INTS7: variants seen among roughly 807,000 people sequenced by gnomAD.
INTS7 encodes the protein integrator complex subunit 7.
A neutral mutation model predicts 109.2 loss-of-function variants in INTS7; 46 were observed. The ratio of observed to expected loss-of-function variants is 0.42; its 90% CI spans 0.33 to 0.54. INTS7 has a LOEUF of 0.54. INTS7 is among the 20% of genes least tolerant of loss of function. The probability of loss-of-function intolerance (pLI) is 0.07; values close to 1 mark genes in which losing one functional copy is unlikely to be tolerated. For missense variants in INTS7, 929 were observed against 1,132.4 expected (o/e 0.82, Z 2.58); for synonymous variants, 412 against 402.9 (o/e 1.02, Z -0.27).
intron 7 of INTS7, among the ~76,000 whole-genome samples, chr1:211,997,419 C>T (rs1310703148): frequency 6.6e-6 from 1 of 150,578 alleles, no homozygotes; most frequent in Non-Finnish European, 1.5e-5. Context: ...ACCTGTAGTC[C>T]CATCTACTCA....
At chr1:211,980,814 A>G (rs1036348775) in intron 10 of INTS7, among the ~76,000 whole-genome samples, 2 of 152,166 alleles carry the variant, frequency 1.3e-5, no homozygotes, top group Non-Finnish European at 2.9e-5. Flanking sequence ...AATTCCTTAA[A>G]ATATTCTTCC....
At chr1:212,020,717 T>G in intron 2 of INTS7, 1 of 1,013,106 alleles carries the variant, frequency 9.9e-7, no homozygotes, top group Non-Finnish European at 1.2e-6. Context: ...TATTCAGTGC[T>G]TACATGTTTC....
At position 211,941,590 on chromosome 1, in the gene INTS7, G is replaced by A. The variant is rs979223959; in HGVS notation, c.*234C>T. 1.3e-4 allele frequency: 68 copies of A among 541,774 alleles called. No individual in the cohort carries two copies. The highest frequency in any genetic ancestry group is 7.5e-4 in the South Asian group (34 of 45,582). The allele number at this position is 541,774 out of a possible 1,614,324, so 33.6% of individuals were successfully genotyped here. The stretch of plus-strand genomic sequence containing the variant: ...TAGCCAGGATGGTCTTGATCTCCTC[G>A]TGAGCCGCCCACCTCAGCCTCCCAA... On this transcript the variant is annotated 3_prime_UTR_variant, in exon 20 of 20. Transcript: ENST00000366994.
chr1:212,015,478 T>C (rs369805696), intron 4 of INTS7, among the ~76,000 whole-genome samples: 2 of 151,742 alleles, frequency 1.3e-5, no homozygotes, highest in South Asian at 4.2e-4. Flanking sequence ...CGGTGCAAGA[T>C]GTGTTTTGTT....
chr1:211,982,068 A>T lies in INTS7; in HGVS notation c.1132+608T>A, dbSNP rs2102428713. On this transcript the variant is annotated intron_variant, in intron 9 of 19. Coordinates refer to ENST00000366994, the MANE Select transcript of INTS7 (RefSeq NM_015434.4). The stretch of plus-strand genomic sequence containing the variant: ...CCACTGAGCTTGTAATCCTTAATGA[A>T]GATCAAAATCAGCACTGAAACAGAT... Among the ~76,000 whole-genome samples the T allele has an allele frequency of 1.3e-5, 2 of 152,316 alleles. 1 individual carries two copies. The highest frequency in any genetic ancestry group is 4.1e-4 in the South Asian group (2 of 4,826).
rs1558058039 is a variant in INTS7, at chr1:212,021,167, C to T, written c.140G>A (p.Arg47His). 4 of 1,612,512 alleles carry T rather than the reference C, an allele frequency of 2.5e-6. No individual in the cohort carries two copies. The highest frequency in any genetic ancestry group is 1.1e-5 in the South Asian group (1 of 90,954). ...KLGEQCEAVV[R>H]FPRLFQKYPF... ...ATACTTCTGAAAAAGTCTGGGAAAG[C>T]GAACAACTGCTTCACACTGTTCACC... The change falls in exon 2 of 20, where the codon CGC (arginine) becomes CAC (histidine). Residue 47 changes from arginine to histidine, a missense_variant. Physicochemically the swap from Arg to His is conservative, Grantham distance 29. Around this residue, in one of 2 missense-constraint regions of INTS7, gnomAD observed 142 missense variants for 231.4 expected, o/e 0.61. Transcript: ENST00000366994.
chr1:211,982,000 A>G (rs1664689401), intron 9 of INTS7, among the ~76,000 whole-genome samples: 1 of 152,280 alleles, frequency 6.6e-6, no homozygotes, highest in East Asian at 1.9e-4. Context: ...AAAAACAGGT[A>G]CTAGGAACAA....
At chr1:212,025,248 G>C (rs1438227567) in intron 1 of INTS7, among the ~76,000 whole-genome samples, 1 of 152,140 alleles carries the variant, frequency 6.6e-6, no homozygotes, top group African/African-American at 2.4e-5. Context: ...TTAACTTACT[G>C]TATCATTCTA....
At chr1:211,960,540 C>T (rs550341554) in intron 16 of INTS7, among the ~76,000 whole-genome samples, 1 of 152,140 alleles carries the variant, frequency 6.6e-6, no homozygotes, top group East Asian at 1.9e-4. Context: ...GAAACCCAAT[C>T]CAAGGAAGCT....
intron 7 of INTS7, among the ~76,000 whole-genome samples, chr1:212,004,226 C>CA (rs1349819520): frequency 6.6e-6 from 1 of 152,070 alleles, no homozygotes; most frequent in Non-Finnish European, 1.5e-5. Flanking sequence ...CCTGTAGTCC[C>CA]AGCTGCTTGG....
intron 10 of INTS7, among the ~76,000 whole-genome samples, chr1:211,980,008 C>T (rs548004446): frequency 1.3e-5 from 2 of 152,248 alleles, no homozygotes; most frequent in East Asian, 3.9e-4. Context: ...TTACAGGAAC[C>T]TTTCTTGGCC....
At chr1:211,969,667 C>T (rs1056184772) in intron 13 of INTS7, among the ~76,000 whole-genome samples, 8 of 150,752 alleles carry the variant, frequency 5.3e-5, no homozygotes, top group East Asian at 2.0e-4. Flanking sequence ...ATTATCCCCC[C>T]ACCTGAGTTT....
intron 16 of INTS7, among the ~76,000 whole-genome samples, chr1:211,956,543 CCTT>C (rs1663370408): frequency 3.3e-5 from 5 of 151,956 alleles, no homozygotes; most frequent in Admixed American, 3.3e-4. Flanking sequence ...GTTATTCTTC[CCTT>C]ATTATGCTTT....
chr1:211,990,187 A>T (rs1310107380), intron 7 of INTS7, among the ~76,000 whole-genome samples: 1 of 152,158 alleles, frequency 6.6e-6, no homozygotes, highest in Non-Finnish European at 1.5e-5. Context: ...CAAACTATTC[A>T]ATGTAGAAAT....
chr1:211,996,081 C>A (rs1264660942), intron 7 of INTS7, among the ~76,000 whole-genome samples: 2 of 152,086 alleles, frequency 1.3e-5, no homozygotes, highest in Non-Finnish European at 2.9e-5. Context: ...ATATAGTATA[C>A]CTAAGTAATA....
intron 4 of INTS7, among the ~76,000 whole-genome samples, chr1:212,015,061 C>A (rs897596439): frequency 7.2e-5 from 11 of 151,730 alleles, no homozygotes; most frequent in Non-Finnish European, 1.5e-4. Context: ...AGCGCCTCCG[C>A]CCGGCAGCCG....
intron 13 of INTS7, among the ~76,000 whole-genome samples, chr1:211,971,020 C>T (rs1664142754): frequency 6.6e-6 from 1 of 152,152 alleles, no homozygotes; most frequent in East Asian, 1.9e-4. Flanking sequence ...ATCACTGTGA[C>T]AAAAAGAAAC....
At chr1:211,970,463 T>C (rs1664121954) in intron 13 of INTS7, among the ~76,000 whole-genome samples, 1 of 152,152 alleles carries the variant, frequency 6.6e-6, no homozygotes, top group African/African-American at 2.4e-5. Context: ...TATCTCACAT[T>C]AGTCTTTTAG....
At chr1:212,018,249 AT>A (rs996303036) in intron 3 of INTS7, among the ~76,000 whole-genome samples, 7 of 151,458 alleles carry the variant, frequency 4.6e-5, no homozygotes, top group South Asian at 2.1e-4. Context: ...TTTCAATCTA[AT>A]TTTTTTTTCC....
Sources: gnomAD v4.1 joint callset for allele counts (sites outside exome capture counted in the v4.1 genomes callset) on GRCh38, gnomAD v4.1.1 for gene constraint, gnomAD v4.1.1 regional missense constraint, MANE v1.5 for transcripts, NCBI Gene and HGNC (gene_info 2026-07-23, HGNC 2026-07-21) for gene names.